OPHN1: variants seen among roughly 807,000 people sequenced by gnomAD.
The protein encoded by OPHN1 is oligophrenin-1.
A neutral mutation model predicts 60.7 loss-of-function variants in OPHN1; 11 were observed. The observed-to-expected ratio is 0.18, with a 90% CI of 0.11 to 0.30. The LOEUF (loss-of-function observed/expected upper bound fraction) is 0.30, where lower values mean the gene tolerates loss of function less well. OPHN1 is among the 10% of genes least tolerant of loss of function. The pLI is 1.00. For missense variants in OPHN1, 449 were observed against 611.0 expected (o/e 0.73, Z 2.80); for synonymous variants, 226 against 222.6 (o/e 1.02, Z -0.14).
intron 17 of OPHN1, 80 bp from the exon 18 acceptor site, chrX:68,112,039 AAACACACACACATGCACACATG>A: frequency 1.8e-6 from 1 of 544,426 alleles, no homozygotes. Flanking sequence ...ATATATGCAC[AAACACACACACATGCACACATG>A]CACACACACA....
intron 2 of OPHN1, among the ~76,000 whole-genome samples, chrX:68,396,686 G>A (rs1602385977): frequency 9.1e-6 from 1 of 110,226 alleles, no homozygotes; most frequent in Non-Finnish European, 1.9e-5. Context: ...ATGGTGGTAC[G>A]TGCCTGTAAT....
chrX:68,187,051 A>T (rs1365434618), intron 15 of OPHN1, among the ~76,000 whole-genome samples: 3 of 112,045 alleles, frequency 2.7e-5, no homozygotes, highest in Non-Finnish European at 5.6e-5. Flanking sequence ...ATGAGTCATA[A>T]GTCAATAAGA....
At chrX:68,206,179 T>G (rs1370103003) in intron 10 of OPHN1, among the ~76,000 whole-genome samples, 1 of 111,733 alleles carries the variant, frequency 8.9e-6, no homozygotes, top group African/African-American at 3.3e-5. Context: ...TTATTCCAAC[T>G]GTGGGCCATA....
At chrX:68,331,569 TA>T (rs918495677) in intron 2 of OPHN1, among the ~76,000 whole-genome samples, 1 of 107,237 alleles carries the variant, frequency 9.3e-6, no homozygotes, top group African/African-American at 3.4e-5. Context: ...CAGTCTCTAC[TA>T]AAAAAACAAA....
intron 2 of OPHN1, among the ~76,000 whole-genome samples, chrX:68,311,484 G>A (rs1478940517): frequency 8.9e-6 from 1 of 111,820 alleles, no homozygotes; most frequent in African/African-American, 3.2e-5. Flanking sequence ...CCAGGCTGGA[G>A]TGCAGTGATG....
intron 15 of OPHN1, among the ~76,000 whole-genome samples, chrX:68,129,171 C>T (rs1170164624): frequency 1.8e-5 from 2 of 111,772 alleles, no homozygotes; most frequent in East Asian, 2.8e-4. Context: ...TAGAAAATAA[C>T]GCTTTAAATG....
intron 16 of OPHN1, among the ~76,000 whole-genome samples, chrX:68,113,488 A>G (rs1377291759): frequency 9.0e-6 from 1 of 111,647 alleles, no homozygotes; most frequent in Non-Finnish European, 1.9e-5. Context: ...AAAGAGGCAC[A>G]AACCAGTCCT....
At chrX:68,352,190 C>T (rs1228706559) in intron 2 of OPHN1, among the ~76,000 whole-genome samples, 1 of 109,499 alleles carries the variant, frequency 9.1e-6, no homozygotes, top group Non-Finnish European at 1.9e-5. Context: ...TTTGTTAAAT[C>T]CAACTCCGCA....
chrX:68,076,893 C>A (rs1413050449), intron 19 of OPHN1, among the ~76,000 whole-genome samples: 1 of 111,548 alleles, frequency 9.0e-6, no homozygotes, highest in Non-Finnish European at 1.9e-5. Context: ...ACCAAAGAAG[C>A]CAGACCAAAA....
chrX:68,085,863 A>C (rs2076993074), intron 19 of OPHN1, among the ~76,000 whole-genome samples: 2 of 111,915 alleles, frequency 1.8e-5, no homozygotes, highest in Admixed American at 1.9e-4. Flanking sequence ...TGAGAATGGA[A>C]TAACAACCTA....
chrX:68,212,046 G>A lies in OPHN1; in HGVS notation c.702+62C>T, dbSNP rs370138387. The A allele has an allele frequency of 9.0e-5, 74 of 823,447 alleles. No homozygotes were observed. The East Asian group carries it at 1.3e-3, about 14-fold the overall frequency. The allele number at this position is 823,447 out of a possible 1,213,427, so 67.9% of individuals were successfully genotyped here. On this transcript the variant is annotated intron_variant, in intron 8 of 24. Coordinates refer to ENST00000355520, the MANE Select transcript of OPHN1 (RefSeq NM_002547.3). Reference sequence around the variant, plus strand: ...ACCTAGAATTCCAAGAATCAAGGTCGCTAGGGCTGAAATTCAATCGGAATG... The same window carrying A: ...ACCTAGAATTCCAAGAATCAAGGTCACTAGGGCTGAAATTCAATCGGAATG...
intron 18 of OPHN1, among the ~76,000 whole-genome samples, chrX:68,109,600 T>A (rs995887067): frequency 8.0e-5 from 9 of 111,984 alleles, no homozygotes; most frequent in Non-Finnish European, 1.7e-4. Context: ...TAGTTTTTTT[T>A]AAATTTATCT....
At chrX:68,175,546 T>C (rs1255846009) in intron 15 of OPHN1, among the ~76,000 whole-genome samples, 1 of 111,654 alleles carries the variant, frequency 9.0e-6, no homozygotes, top group Non-Finnish European at 1.9e-5. Flanking sequence ...AACCCTGTGC[T>C]CCAAGGAAGC....
intron 2 of OPHN1, among the ~76,000 whole-genome samples, chrX:68,342,254 T>C (rs2078356827): frequency 9.0e-6 from 1 of 111,599 alleles, no homozygotes; most frequent in Non-Finnish European, 1.9e-5. Context: ...TACAGGTGTG[T>C]GCTACCACGC....
At chrX:68,151,415 C>T (rs751876778) in intron 15 of OPHN1, among the ~76,000 whole-genome samples, 10 of 111,847 alleles carry the variant, frequency 8.9e-5, no homozygotes, top group Non-Finnish European at 1.7e-4. Flanking sequence ...AAAGACATAT[C>T]GAGACCCATC....
At chrX:68,337,897 T>TA (rs1430811567) in intron 2 of OPHN1, among the ~76,000 whole-genome samples, 1 of 110,072 alleles carries the variant, frequency 9.1e-6, no homozygotes, top group African/African-American at 3.3e-5. Context: ...TGTATGCACA[T>TA]AACATCAGAG....
At chrX:68,170,935 TAATAA>T (rs1433446369) in intron 15 of OPHN1, among the ~76,000 whole-genome samples, 1 of 109,750 alleles carries the variant, frequency 9.1e-6, no homozygotes, top group Non-Finnish European at 1.9e-5. Flanking sequence ...AGTATAATAA[TAATAA>T]AATAAAATAA....
At chrX:68,282,859 C>T (rs757141193) in intron 4 of OPHN1, among the ~76,000 whole-genome samples, 197 bp downstream of exon 4, 1 of 111,793 alleles carries the variant, frequency 8.9e-6, no homozygotes, top group East Asian at 2.8e-4. Flanking sequence ...ACGTTAATTT[C>T]CCTCTATCTA....
chrX:68,234,156 G>A (rs2077741845), intron 6 of OPHN1, among the ~76,000 whole-genome samples: 1 of 106,538 alleles, frequency 9.4e-6, no homozygotes, highest in Admixed American at 1.0e-4. Context: ...ATCTGTTCCT[G>A]ATTTCTACCA....
Sources: gnomAD v4.1 joint callset for allele counts (sites outside exome capture counted in the v4.1 genomes callset) on GRCh38, gnomAD v4.1.1 for gene constraint, MANE v1.5 for transcripts, NCBI Gene and HGNC (gene_info 2026-07-23, HGNC 2026-07-21) for gene names.